ASB5: variants seen among roughly 807,000 people sequenced by gnomAD.
The protein encoded by ASB5 is ankyrin repeat and SOCS box protein 5.
Under a neutral mutation model 42.1 loss-of-function variants are expected in ASB5, and 45 were observed. That is an observed-to-expected ratio of 1.07 (90% CI 0.84 to 1.37). The LOEUF (loss-of-function observed/expected upper bound fraction) is 1.37, where lower values mean the gene tolerates loss of function less well. Ranked by LOEUF, ASB5 falls within the 40% of genes most tolerant of loss-of-function variation. The probability of loss-of-function intolerance (pLI) is 0.00; values close to 1 mark genes in which losing one functional copy is unlikely to be tolerated. For missense variants in ASB5, 402 were observed against 399.8 expected, an observed-to-expected ratio of 1.01 and a Z score of -0.05; for synonymous variants, 147 against 150.6, an observed-to-expected ratio of 0.98 and a Z score of 0.18.
At chr4:176,239,172 A>G (rs1428540094) in intron 1 of ASB5, among the ~76,000 whole-genome samples, 1 of 152,172 alleles carries the variant, frequency 6.6e-6, no homozygotes, top group African/African-American at 2.4e-5. Flanking sequence ...AGTCCAGCAT[A>G]TTTACATGAA....
chr4:176,225,567 C>A (rs1453540271), intron 1 of ASB5, among the ~76,000 whole-genome samples: 1 of 142,022 alleles, frequency 7.0e-6, no homozygotes, highest in Non-Finnish European at 1.5e-5. Flanking sequence ...ATTGACCCAC[C>A]CCAGACTTAC....
chr4:176,268,513 A>T (rs1754403689), intron 1 of ASB5, among the ~76,000 whole-genome samples: 1 of 152,148 alleles, frequency 6.6e-6, no homozygotes, highest in Non-Finnish European at 1.5e-5. Flanking sequence ...TTTAATTTAA[A>T]ATTATACAAT....
chr4:176,222,525 T>C, intron 2 of ASB5, 105 bp from the exon 3 acceptor site: 1 of 1,040,242 alleles, frequency 9.6e-7, no homozygotes, highest in Non-Finnish European at 1.4e-6. Context: ...TCAAAGAATC[T>C]CAGGCAAACG....
intron 5 of ASB5, among the ~76,000 whole-genome samples, chr4:176,218,644 A>AT (rs1753063550): frequency 5.0e-5 from 2 of 39,662 alleles, no homozygotes; most frequent in Non-Finnish European, 1.0e-4. Context: ...ATGATATATA[A>AT]ATATATATAT....
At chr4:176,263,746 G>A (rs1754306109) in intron 1 of ASB5, among the ~76,000 whole-genome samples, 1 of 152,150 alleles carries the variant, frequency 6.6e-6, no homozygotes, top group Non-Finnish European at 1.5e-5. Context: ...CTAATCTCAT[G>A]CAGAGGTAAC....
upstream of ASB5, among the ~76,000 whole-genome samples, chr4:176,272,126 A>G (rs1266330082): frequency 6.6e-6 from 1 of 152,212 alleles, no homozygotes; most frequent in African/African-American, 2.4e-5. Context: ...AAGAGGGGCT[A>G]ATACTGTTGG....
At chr4:176,240,980 T>C (rs1282731368) in intron 1 of ASB5, among the ~76,000 whole-genome samples, 1 of 152,184 alleles carries the variant, frequency 6.6e-6, no homozygotes, top group Non-Finnish European at 1.5e-5. Context: ...CCATGCACAG[T>C]GTCAACAATT....
chr4:176,228,450 C>T (rs1000692563), intron 1 of ASB5, among the ~76,000 whole-genome samples: 20 of 152,128 alleles, frequency 1.3e-4, no homozygotes, highest in African/African-American at 4.3e-4. Flanking sequence ...TTGAGGTTTA[C>T]AATTAAAGAC....
At chr4:176,229,777 C>G (rs1178668460) in intron 1 of ASB5, among the ~76,000 whole-genome samples, 3 of 152,154 alleles carry the variant, frequency 2.0e-5, no homozygotes, top group Non-Finnish European at 2.9e-5. Flanking sequence ...CATTGTCATT[C>G]TCAGAAACGA....
chr4:176,239,884 T>G (rs897536857), intron 1 of ASB5, among the ~76,000 whole-genome samples: 3 of 152,180 alleles, frequency 2.0e-5, no homozygotes, highest in Non-Finnish European at 1.5e-5. Context: ...GCAAAAGTAA[T>G]TTTTAAAAAT....
intron 1 of ASB5, among the ~76,000 whole-genome samples, chr4:176,249,216 C>T (rs191962892): frequency 1.3e-5 from 2 of 152,198 alleles, no homozygotes; most frequent in South Asian, 2.1e-4. Context: ...ATCTGCCCGC[C>T]GCAGCCTCCC....
intron 1 of ASB5, among the ~76,000 whole-genome samples, chr4:176,255,272 G>C (rs906391425): frequency 4.6e-5 from 7 of 152,222 alleles, no homozygotes; most frequent in African/African-American, 1.7e-4. Flanking sequence ...TGGTGGGAAT[G>C]TAAATTAATT....
At chr4:176,271,447 G>T (rs1754467097), upstream of ASB5, among the ~76,000 whole-genome samples, 1 of 152,092 alleles carries the variant, frequency 6.6e-6, no homozygotes. Context: ...ATAAAATATT[G>T]ATTAGTCATT....
intron 1 of ASB5, among the ~76,000 whole-genome samples, chr4:176,256,615 G>GA (rs1216188815): frequency 6.6e-6 from 1 of 151,896 alleles, no homozygotes; most frequent in Non-Finnish European, 1.5e-5. Context: ...TTCTCATAAG[G>GA]AAAAAAACTT....
chr4:176,225,855 G>T (rs1308909651), intron 1 of ASB5, among the ~76,000 whole-genome samples: 2 of 152,190 alleles, frequency 1.3e-5, no homozygotes, highest in African/African-American at 4.8e-5. Flanking sequence ...CTCCCAAAGT[G>T]CTGGGATTAC....
intron 1 of ASB5, among the ~76,000 whole-genome samples, chr4:176,238,192 A>T (rs1320221209): frequency 7.3e-6 from 1 of 136,876 alleles, no homozygotes; most frequent in Non-Finnish European, 1.5e-5. Context: ...GGGCGACAGA[A>T]GGAGACTCCG....
chr4:176,258,291 T>C (rs1754194451), intron 1 of ASB5, among the ~76,000 whole-genome samples: 1 of 152,218 alleles, frequency 6.6e-6, no homozygotes, highest in Non-Finnish European at 1.5e-5. Flanking sequence ...GCAACTTTCC[T>C]GAGATCACAC....
intron 5 of ASB5, among the ~76,000 whole-genome samples, chr4:176,217,900 A>G (rs1469123439): frequency 2.0e-5 from 3 of 151,960 alleles, no homozygotes; most frequent in African/African-American, 4.8e-5. Flanking sequence ...TTCATGAAGC[A>G]GTACAGTTAA....
At position 176,215,401 on chromosome 4, in the gene ASB5, A is replaced by G. The variant is rs1035290429; in HGVS notation, c.*199T>C. ...ATAACAAAAAATAGATATTATAAAT[A>G]TGCTATAATCCAAAGACAGCATAAA... On this transcript the variant is annotated 3_prime_UTR_variant, in exon 7 of 7. Transcript: ENST00000296525. 3 of 402,454 alleles carry G rather than the reference A, an allele frequency of 7.5e-6. No homozygotes were observed. Among genetic ancestry groups the G allele is most frequent in the Non-Finnish European group, 1.3e-5 (3 of 234,832 alleles). The allele number at this position is 402,454 out of a possible 1,614,324, so 24.9% of individuals were successfully genotyped here. A position where few individuals can be genotyped will look rare whatever the true frequency, so the allele number is the denominator to read the frequency against.
Sources: gnomAD v4.1 joint callset for allele counts (sites outside exome capture counted in the v4.1 genomes callset) on GRCh38, gnomAD v4.1.1 for gene constraint, MANE v1.5 for transcripts, NCBI Gene and HGNC (gene_info 2026-07-23, HGNC 2026-07-21) for gene names.